Variants in SBF2 observed in about 807,000 individuals in gnomAD.
SBF2 encodes SET binding factor 2.
SBF2 carries 112 observed loss-of-function variants against 225.2 expected under a neutral mutation model. The ratio of observed to expected loss-of-function variants is 0.50; its 90% CI spans 0.43 to 0.58. The LOEUF (loss-of-function observed/expected upper bound fraction) is 0.58. Ranked by LOEUF, SBF2 falls within the 20% of genes least tolerant of loss-of-function variation. The pLI, the probability that SBF2 is intolerant of heterozygous loss-of-function variation, is 0.00. For missense variants in SBF2, 1,996 were observed against 2,206.2 expected, an observed-to-expected ratio of 0.90 and a Z score of 1.91; for synonymous variants, 763 against 773.3, an observed-to-expected ratio of 0.99 and a Z score of 0.22.
chr11:10,236,460 C>CT lies in SBF2; in HGVS notation c.56-42474dup, dbSNP rs377513291. ...CCTAGACAACAGAGCGAGTCCGTCT[C>CT]TTTTTTTTTGTTTTTTTGAGACGGA... On this transcript the variant is annotated intron_variant, in intron 1 of 39. Coordinates refer to ENST00000256190, the MANE Select transcript of SBF2 (RefSeq NM_030962.4). 4.2e-4 allele frequency among the ~76,000 whole-genome samples: 64 copies of CT among 151,400 alleles called. 1 individual carries two copies. Among genetic ancestry groups the CT allele is most frequent in the African/African-American group, 1.5e-3 (61 of 41,274 alleles).
chr11:9,905,042 A>G (rs1862017023), intron 16 of SBF2, among the ~76,000 whole-genome samples: 1 of 152,230 alleles, frequency 6.6e-6, no homozygotes, highest in East Asian at 1.9e-4. Flanking sequence ...AACAAAACAA[A>G]AAACTATCAG....
chr11:10,029,456 T>C (rs1198483803), intron 5 of SBF2, among the ~76,000 whole-genome samples: 2 of 152,164 alleles, frequency 1.3e-5, no homozygotes, highest in African/African-American at 4.8e-5. Context: ...AAGAGAACAT[T>C]TAAAAGTTCA....
chr11:9,803,231 CAG>C (rs1316547077), intron 32 of SBF2, among the ~76,000 whole-genome samples: 1 of 145,492 alleles, frequency 6.9e-6, no homozygotes. Flanking sequence ...AAAAAAAAAA[CAG>C]ATGAATCTTA....
Position 9,858,206 on chromosome 11 carries a change from G to GTTC in SBF2, c.2100+17_2100+19dup, listed in dbSNP as rs751432798. On this transcript the variant is annotated intron_variant, in intron 18 of 39. Transcript: ENST00000256190. ...AGAATCCTAATCCCACACAATTAGA[G>GTTC]TTCTTTTCTTCTCTCTTACCTTTTG... The GTTC allele has an allele frequency of 6.2e-7, 1 of 1,613,588 alleles. No homozygotes were observed. Among genetic ancestry groups the GTTC allele is most frequent in the South Asian group, 1.1e-5 (1 of 91,080 alleles).
chr11:9,782,063 G>A (rs1032566225), intron 38 of SBF2, among the ~76,000 whole-genome samples: 1 of 151,854 alleles, frequency 6.6e-6, no homozygotes, highest in African/African-American at 2.4e-5. Flanking sequence ...GTGCATGCCC[G>A]TAGTTGCAGC....
intron 1 of SBF2, among the ~76,000 whole-genome samples, chr11:10,245,283 C>T (rs1959667684): frequency 6.6e-6 from 1 of 151,928 alleles, no homozygotes; most frequent in African/African-American, 2.4e-5. Context: ...GGAGTGCATG[C>T]CTGCAATCCC....
chr11:10,004,574 T>TAAAAAAAAAAAAAAAAAAAA (rs763688115), intron 6 of SBF2, among the ~76,000 whole-genome samples: 2 of 85,558 alleles, frequency 2.3e-5, no homozygotes, highest in Admixed American at 1.3e-4. Context: ...CTACAAAAAT[T>TAAAAAAAAAAAAAAAAAAAA]AAAAAAAAAA....
chr11:10,221,265 G>A (rs1958330180), intron 1 of SBF2, among the ~76,000 whole-genome samples: 2 of 151,918 alleles, frequency 1.3e-5, no homozygotes, highest in Non-Finnish European at 2.9e-5. Context: ...TTACAGGCAT[G>A]AGCCGTCACG....
chr11:10,245,882 A>T (rs1565396445), intron 1 of SBF2, among the ~76,000 whole-genome samples: 1 of 152,226 alleles, frequency 6.6e-6, no homozygotes, highest in Non-Finnish European at 1.5e-5. Context: ...AAGTGAAATA[A>T]GTCAGACCCA....
chr11:10,232,697 G>T (rs1958908540), intron 1 of SBF2, among the ~76,000 whole-genome samples: 1 of 151,748 alleles, frequency 6.6e-6, no homozygotes, highest in African/African-American at 2.4e-5. Context: ...CTGAGCAGCT[G>T]GGACTACAGG....
chr11:10,288,110 G>A (rs1323272414), intron 1 of SBF2, among the ~76,000 whole-genome samples: 1 of 152,230 alleles, frequency 6.6e-6, no homozygotes, highest in Admixed American at 6.5e-5. Context: ...AGGAGTCACA[G>A]CCCTAGCTTG....
intron 2 of SBF2, among the ~76,000 whole-genome samples, chr11:10,191,114 T>C (rs950620345): frequency 7.2e-5 from 11 of 152,216 alleles, no homozygotes; most frequent in African/African-American, 2.7e-4. Flanking sequence ...TTAACATGAA[T>C]GTTACATGCT....
At chr11:10,184,123 C>A (rs532932304) in intron 2 of SBF2, among the ~76,000 whole-genome samples, 1 of 151,998 alleles carries the variant, frequency 6.6e-6, no homozygotes, top group Admixed American at 6.5e-5. Flanking sequence ...TATTACATAT[C>A]AACTAAAAAT....
At chr11:10,151,900 T>C (rs1955213593) in intron 2 of SBF2, among the ~76,000 whole-genome samples, 1 of 152,226 alleles carries the variant, frequency 6.6e-6, no homozygotes, top group South Asian at 2.1e-4. Flanking sequence ...ACTATTACTG[T>C]CATCTTCACT....
rs1450691628 is a variant in SBF2, at chr11:9,808,146, T to C, written c.4297A>G (p.Arg1433Gly). ...AACATCTGGAAGCCTTCAAGTGTCC[T>C]ATAAAAGGGATCACTGAGTAACTGA... ...LVQLLSDPFY[R>G]TLEGFQMLVE... is the part of the protein sequence containing the mutation. The change falls in exon 32 of 40, where the codon AGG becomes GGG. Residue 1433 changes from arginine to glycine, a missense_variant. Coordinates refer to ENST00000256190, the MANE Select transcript of SBF2 (RefSeq NM_030962.4). The C allele has an allele frequency of 6.2e-7, 1 of 1,614,160 alleles. No individual in the cohort carries two copies. Among genetic ancestry groups the C allele is most frequent in the Admixed American group, 1.7e-5 (1 of 60,026 alleles).
In SBF2 at chr11:9,992,440, T is replaced by A; in HGVS notation, c.1271A>T (p.Tyr424Phe). The part of the protein sequence containing the change: ...AGFVSERGPP[Y>F]RSCDLFDELV... Reference sequence around the variant, plus strand: ...CTCATCAAAGAGATCACAAGATCTATAAGGAGGACCTCTTTCTGAAACAAA... The same window carrying A: ...CTCATCAAAGAGATCACAAGATCTAAAAGGAGGACCTCTTTCTGAAACAAA... Residue 424 changes from tyrosine (Y) to phenylalanine (F), a missense_variant, in exon 12 of 40, where the codon TAT becomes TTT. Tyr to Phe is a conservative substitution (Grantham distance 22). Transcript: ENST00000256190. 1 of 1,613,098 alleles carries A rather than the reference T, an allele frequency of 6.2e-7. No individual in the cohort carries two copies.
intron 16 of SBF2, among the ~76,000 whole-genome samples, chr11:9,942,198 G>C (rs1288726579): frequency 6.6e-6 from 1 of 152,132 alleles, no homozygotes; most frequent in East Asian, 1.9e-4. Flanking sequence ...CTCTCATGTA[G>C]CTGGGGCTAC....
At chr11:10,043,272 A>AT (rs1314885696) in intron 2 of SBF2, among the ~76,000 whole-genome samples, 3 of 152,228 alleles carry the variant, frequency 2.0e-5, no homozygotes, top group Non-Finnish European at 4.4e-5. Context: ...AAAATTAAAG[A>AT]CATCCCCCAA....
At chr11:10,172,359 ATTTTT>A (rs555620934) in intron 2 of SBF2, among the ~76,000 whole-genome samples, 1 of 148,698 alleles carries the variant, frequency 6.7e-6, no homozygotes, top group Non-Finnish European at 1.5e-5. Context: ...TCAAAAAAAA[ATTTTT>A]TTTTTTGAGA....
Sources: gnomAD v4.1 joint callset for allele counts (sites outside exome capture counted in the v4.1 genomes callset) on GRCh38, gnomAD v4.1.1 for gene constraint, MANE v1.5 for transcripts, NCBI Gene and HGNC (gene_info 2026-07-23, HGNC 2026-07-21) for gene names.